TMEM74: variants seen among roughly 807,000 people sequenced by gnomAD.
TMEM74 encodes transmembrane protein 74.
A neutral mutation model predicts 18.1 loss-of-function variants in TMEM74; 13 were observed. The observed-to-expected ratio is 0.72, with a 90% CI of 0.47 to 1.14. TMEM74 has a LOEUF of 1.14. Ranked by LOEUF, TMEM74 falls within the 50% of genes most tolerant of loss-of-function variation. The pLI is 0.00. For synonymous variants in TMEM74, 159 were observed against 146.6 expected (o/e 1.08, Z -0.61); for missense variants, 372 against 375.9 (o/e 0.99, Z 0.09).
intron 2 of TMEM74, among the ~76,000 whole-genome samples, chr8:108,617,204 C>T (rs914897405): frequency 2.0e-5 from 3 of 151,772 alleles, no homozygotes; most frequent in Non-Finnish European, 4.4e-5. Context: ...TGCAAAGGCC[C>T]TGAAGTAGAA....
chr8:108,726,028 T>A (rs1813634615), intron 1 of TMEM74, among the ~76,000 whole-genome samples: 1 of 152,162 alleles, frequency 6.6e-6, no homozygotes. Flanking sequence ...TAAATAAGGA[T>A]TGTAATACAC....
intron 1 of TMEM74, among the ~76,000 whole-genome samples, chr8:108,749,709 G>A (rs1249020449): frequency 1.3e-5 from 2 of 152,154 alleles, no homozygotes; most frequent in East Asian, 3.9e-4. Context: ...GGTGAGAGAG[G>A]GCAATCTTGT....
chr8:108,765,911 C>G (rs952969266), intron 1 of TMEM74, among the ~76,000 whole-genome samples: 1 of 130,908 alleles, frequency 7.6e-6, no homozygotes, highest in African/African-American at 3.2e-5. Context: ...GGGAGGCTTT[C>G]TCTCTAAATG....
chr8:108,682,719 G>A (rs1813127888), intron 1 of TMEM74, among the ~76,000 whole-genome samples: 1 of 151,874 alleles, frequency 6.6e-6, no homozygotes, highest in Non-Finnish European at 1.5e-5. Flanking sequence ...TTTAATGATT[G>A]CTTAAAAGCT....
chr8:108,756,637 A>T (rs1271175052), intron 1 of TMEM74, among the ~76,000 whole-genome samples: 1 of 95,326 alleles, frequency 1.0e-5, no homozygotes, highest in East Asian at 3.2e-4. Context: ...GAAGGAAGGA[A>T]GGAAGAAAGA....
At position 108,747,544 on chromosome 8, in the gene TMEM74, T is replaced by TCC. The variant is rs1586282611; in HGVS notation, n.119+39931_119+39932insGG. 2.6e-5 allele frequency among the ~76,000 whole-genome samples: 4 copies of TCC among 151,940 alleles called. No individual in the cohort carries two copies. In the East Asian group the frequency reaches 7.7e-4, roughly 29 times the overall value. ...AGCAGCAGAAGCACACTTCTCTCTC[T>TCC]CTCTCTCTCTCTTTTTTTTAAATTG... On this transcript the variant is annotated intron_variant and non_coding_transcript_variant, in intron 1 of 3. Coordinates refer to the TMEM74 transcript ENST00000518838.
intron 1 of TMEM74, among the ~76,000 whole-genome samples, chr8:108,760,377 C>T (rs1343556497): frequency 6.6e-6 from 1 of 152,048 alleles, no homozygotes; most frequent in Non-Finnish European, 1.5e-5. Context: ...ACCAGGGTAG[C>T]AATGCGCGGT....
intron 1 of TMEM74, among the ~76,000 whole-genome samples, chr8:108,728,031 T>G (rs1013984821): frequency 4.6e-5 from 7 of 152,184 alleles, no homozygotes; most frequent in Non-Finnish European, 1.0e-4. Flanking sequence ...GGAACCTAGA[T>G]GAGTGCAATT....
At chr8:108,672,987 G>A (rs1383420311) in intron 1 of TMEM74, among the ~76,000 whole-genome samples, 3 of 152,176 alleles carry the variant, frequency 2.0e-5, no homozygotes, top group Admixed American at 6.5e-5. Flanking sequence ...GTTTTGACAT[G>A]AAGATCCAGA....
chr8:108,679,266 A>G (rs1020340289), intron 1 of TMEM74, among the ~76,000 whole-genome samples: 4 of 152,166 alleles, frequency 2.6e-5, no homozygotes, highest in Non-Finnish European at 2.9e-5. Flanking sequence ...TATACCCAGT[A>G]ATGGGATGGC....
intron 3 of TMEM74, among the ~76,000 whole-genome samples, chr8:108,608,206 G>T (rs1812297758): frequency 6.6e-6 from 1 of 151,454 alleles, no homozygotes; most frequent in Non-Finnish European, 1.5e-5. Flanking sequence ...AGAGGCTGAG[G>T]CAGGAGAATC....
At chr8:108,640,404 G>A (rs1812652429) in intron 2 of TMEM74, among the ~76,000 whole-genome samples, 1 of 151,984 alleles carries the variant, frequency 6.6e-6, no homozygotes, top group Non-Finnish European at 1.5e-5. Flanking sequence ...ATGAGCAACT[G>A]TGCCTGGCCT....
At chr8:108,657,867 T>TAC in intron 1 of TMEM74, among the ~76,000 whole-genome samples, 1 of 44,934 alleles carries the variant, frequency 2.2e-5, no homozygotes, top group African/African-American at 1.1e-4. Flanking sequence ...AAAATATATA[T>TAC]ATATATATAT....
chr8:108,678,878 C>A (rs1275273784), intron 1 of TMEM74, among the ~76,000 whole-genome samples: 2 of 151,034 alleles, frequency 1.3e-5, no homozygotes, highest in Non-Finnish European at 3.0e-5. Flanking sequence ...GGTATATCTC[C>A]TAATGCCATC....
Position 108,635,599 on chromosome 8 carries a change from C to T in TMEM74, n.264+19694G>A, listed in dbSNP as rs185787169. ...ACAATTCTCATTCACCTCGCCAACA[C>T]TGGGTTTATTTTTAATATCATATCT... On this transcript the variant is annotated intron_variant and non_coding_transcript_variant, in intron 2 of 3. Transcript: ENST00000518838. Among the ~76,000 whole-genome samples the T allele has an allele frequency of 2.1e-3, 319 of 152,196 alleles. 1 individual carries two copies. The highest frequency in any genetic ancestry group is 7.2e-3 in the African/African-American group (301 of 41,560).
chr8:108,749,095 C>A (rs1024411165), intron 1 of TMEM74, among the ~76,000 whole-genome samples: 2 of 151,912 alleles, frequency 1.3e-5, no homozygotes, highest in East Asian at 1.9e-4. Flanking sequence ...CAGTTTTGTT[C>A]TTTTTGCTTA....
At chr8:108,684,547 G>C (rs961033722) in intron 1 of TMEM74, among the ~76,000 whole-genome samples, 8 of 151,850 alleles carry the variant, frequency 5.3e-5, no homozygotes, top group Non-Finnish European at 1.2e-4. Context: ...TCTGCTGACT[G>C]TTTCCTTTGT....
chr8:108,753,101 T>A (rs1813919543), intron 1 of TMEM74, among the ~76,000 whole-genome samples: 1 of 152,128 alleles, frequency 6.6e-6, no homozygotes. Flanking sequence ...TTGAACATTT[T>A]GATTCATCTC....
intron 2 of TMEM74, among the ~76,000 whole-genome samples, chr8:108,635,645 C>CA (rs1204307266): frequency 6.6e-6 from 1 of 152,012 alleles, no homozygotes; most frequent in Non-Finnish European, 1.5e-5. Context: ...AGAAGGTTTG[C>CA]AAATAGACTT....
Sources: gnomAD v4.1 joint callset for allele counts (sites outside exome capture counted in the v4.1 genomes callset) on GRCh38, gnomAD v4.1.1 for gene constraint, MANE v1.5 for transcripts, NCBI Gene and HGNC (gene_info 2026-07-23, HGNC 2026-07-21) for gene names.